Variants in CEP128 observed in about 807,000 individuals in gnomAD.
CEP128 encodes centrosomal protein 128.
A neutral mutation model predicts 156.7 loss-of-function variants in CEP128; 132 were observed. The observed-to-expected ratio is 0.84, with a 90% CI of 0.73 to 0.97. The LOEUF is 0.97. Ranked by LOEUF, CEP128 falls within the 50% of genes least tolerant of loss-of-function variation. CEP128 has a pLI of 0.00. For synonymous variants in CEP128, 469 were observed against 448.9 expected (o/e 1.04, Z -0.57); for missense variants, 1,252 against 1,281.9 (o/e 0.98, Z 0.36).
chr14:80,509,894 A>C (rs2888003), intron 23 of CEP128, among the ~76,000 whole-genome samples: 2 of 152,030 alleles, frequency 1.3e-5, no homozygotes, highest in African/African-American at 2.4e-5. Context: ...CTTTTCCCCA[A>C]TGTATGTTCT....
chr14:80,614,178 A>G (rs1031984527), intron 19 of CEP128, among the ~76,000 whole-genome samples: 1 of 152,240 alleles, frequency 6.6e-6, no homozygotes, highest in Admixed American at 6.5e-5. Flanking sequence ...AAAGAATGAA[A>G]AAAAGGGCAC....
intron 2 of CEP128, among the ~76,000 whole-genome samples, chr14:80,949,772 G>A (rs1886423290): frequency 1.3e-5 from 2 of 152,116 alleles, no homozygotes; most frequent in Non-Finnish European, 2.9e-5. Flanking sequence ...GCCAAAAAGG[G>A]TAATATTTAC....
Position 80,801,908 on chromosome 14 carries a change from CCCA to C in CEP128, c.1210-8801_1210-8799del, listed in dbSNP as rs1368761272. ...GGGTGACAGTGTGAGACTCTGTCTC[CCCA>C]AAAAAAAAAAAAAAAAAAAAAAAAA... On this transcript the variant is annotated intron_variant, in intron 13 of 24. Transcript: ENST00000555265. Among the ~76,000 whole-genome samples the C allele has an allele frequency of 7.5e-4, 14 of 18,702 alleles. 1 individual carries two copies. Among genetic ancestry groups the C allele is most frequent in the African/African-American group, 2.4e-3 (14 of 5,840 alleles). The allele number at this position is 18,702 out of a possible 152,430, so 12.3% of individuals were successfully genotyped here.
intron 9 of CEP128, among the ~76,000 whole-genome samples, chr14:80,848,489 A>G (rs1160561244): frequency 1.3e-5 from 2 of 152,064 alleles, no homozygotes; most frequent in East Asian, 1.9e-4. Context: ...ACGAAACTCC[A>G]TCTCTACTTA....
chr14:80,707,732 T>C (rs1897273659), intron 19 of CEP128, among the ~76,000 whole-genome samples: 1 of 152,218 alleles, frequency 6.6e-6, no homozygotes, highest in African/African-American at 2.4e-5. Context: ...AATACCTATA[T>C]AATTAATCAT....
intron 12 of CEP128, 26 bp from the exon 13 acceptor site, chr14:80,831,320 A>C (rs1885785326): frequency 6.2e-7 from 1 of 1,610,580 alleles, no homozygotes; most frequent in South Asian, 1.1e-5. Context: ...GTAAGGCTCA[A>C]GGGTTGTTCT....
At chr14:80,587,388 T>C (rs191351199) in intron 19 of CEP128, among the ~76,000 whole-genome samples, 10 of 152,292 alleles carry the variant, frequency 6.6e-5, no homozygotes, top group Middle Eastern at 3.4e-3. Context: ...TGGAGCCCAA[T>C]TGGTCCAATA....
chr14:80,631,179 C>T (rs1321910546), intron 19 of CEP128, among the ~76,000 whole-genome samples: 1 of 151,896 alleles, frequency 6.6e-6, no homozygotes, highest in Non-Finnish European at 1.5e-5. Context: ...GCCACCATCT[C>T]CATTGAGAAT....
At chr14:80,517,379 A>G (rs1459029119) in intron 23 of CEP128, among the ~76,000 whole-genome samples, 1 of 152,076 alleles carries the variant, frequency 6.6e-6, no homozygotes, top group East Asian at 1.9e-4. Flanking sequence ...TCTCCCTCTG[A>G]GCACTTTTTA....
At chr14:80,723,759 A>G (rs1897910743) in intron 19 of CEP128, among the ~76,000 whole-genome samples, 1 of 152,194 alleles carries the variant, frequency 6.6e-6, no homozygotes, top group Non-Finnish European at 1.5e-5. Context: ...GGTTCCTCAA[A>G]GCCTAATTTT....
At chr14:80,853,734 A>G (rs1887010913) in intron 9 of CEP128, among the ~76,000 whole-genome samples, 1 of 152,006 alleles carries the variant, frequency 6.6e-6, no homozygotes, top group Admixed American at 6.6e-5. Context: ...TTTCATTATC[A>G]TTTACCAAAA....
At chr14:80,618,602 G>A (rs1173569837) in intron 19 of CEP128, among the ~76,000 whole-genome samples, 1 of 152,218 alleles carries the variant, frequency 6.6e-6, no homozygotes, top group African/African-American at 2.4e-5. Context: ...GACTGGGGAA[G>A]AGCTCCATGA....
intron 19 of CEP128, among the ~76,000 whole-genome samples, chr14:80,635,714 T>A (rs1047187977): frequency 2.0e-5 from 3 of 152,220 alleles, no homozygotes; most frequent in Non-Finnish European, 4.4e-5. Flanking sequence ...TGGTGACTTG[T>A]TAGTTTCCTC....
chr14:80,866,039 C>T (rs953434150), intron 8 of CEP128, among the ~76,000 whole-genome samples: 2 of 152,138 alleles, frequency 1.3e-5, no homozygotes, highest in African/African-American at 4.8e-5. Flanking sequence ...GCTAATTGTA[C>T]ATACCCAGAC....
In CEP128 at chr14:80,485,103, G is replaced by C. The variant is rs1295800999; in HGVS notation, c.*311-6696C>G. On this transcript the variant is annotated intron_variant and NMD_transcript_variant, in intron 14 of 14. Transcript: ENST00000554502. ...ACTGCATTGTTCTCACATGAGATTTGTCTATGAGAAGTTCAGCCCATATCC... is the reference window on the plus strand; with the variant it reads ...ACTGCATTGTTCTCACATGAGATTTCTCTATGAGAAGTTCAGCCCATATCC... Among the ~76,000 whole-genome samples the C allele has an allele frequency of 3.3e-5, 5 of 152,220 alleles. No individual in the cohort carries two copies. The East Asian group carries it at 7.7e-4, about 23-fold the overall frequency.
chr14:80,628,560 C>CT (rs1368866563), intron 19 of CEP128, among the ~76,000 whole-genome samples: 1 of 152,186 alleles, frequency 6.6e-6, no homozygotes, highest in Non-Finnish European at 1.5e-5. Context: ...CCATTTCCCC[C>CT]TTTCTCCTAA....
intron 19 of CEP128, among the ~76,000 whole-genome samples, chr14:80,664,173 A>C (rs1238425656): frequency 6.6e-6 from 1 of 152,176 alleles, no homozygotes; most frequent in Non-Finnish European, 1.5e-5. Context: ...ATACCTAAAA[A>C]TCAGAAATAG....
chr14:80,814,184 A>C (rs560347395), intron 13 of CEP128, among the ~76,000 whole-genome samples: 1 of 152,200 alleles, frequency 6.6e-6, no homozygotes, highest in Non-Finnish European at 1.5e-5. Context: ...TGGGGTTCTT[A>C]GAGCTTCTAA....
intron 19 of CEP128, among the ~76,000 whole-genome samples, chr14:80,619,020 G>A (rs1249887221): frequency 1.3e-5 from 2 of 152,160 alleles, no homozygotes; most frequent in Non-Finnish European, 2.9e-5. Flanking sequence ...TTTCTGACAA[G>A]GACTCCTCCA....
Sources: allele counts gnomAD v4.1 joint callset (sites outside exome capture counted in the v4.1 genomes callset), GRCh38; gene constraint gnomAD v4.1.1; transcripts MANE v1.5; gene names NCBI Gene and HGNC (gene_info 2026-07-23, HGNC 2026-07-21).